RPTOR: variants seen among roughly 807,000 people sequenced by gnomAD.
RPTOR encodes the protein regulatory-associated protein of mTOR.
In RPTOR, 21 loss-of-function variants were observed where a neutral mutation model predicts 169.9. The observed-to-expected ratio is 0.12, with a 90% CI of 0.09 to 0.18. RPTOR has a LOEUF of 0.18. Ranked by LOEUF, RPTOR falls within the 10% of genes least tolerant of loss-of-function variation. The probability of loss-of-function intolerance (pLI) is 1.00; values close to 1 mark genes in which losing one functional copy is unlikely to be tolerated. For missense variants in RPTOR, 1,133 were observed against 1,855.9 expected (o/e 0.61, Z 7.16); for synonymous variants, 732 against 753.2 (o/e 0.97, Z 0.46).
At chr17:80,618,041 T>C (rs986498361) in intron 1 of RPTOR, among the ~76,000 whole-genome samples, 3 of 151,642 alleles carry the variant, frequency 2.0e-5, no homozygotes, top group Non-Finnish European at 2.9e-5. Flanking sequence ...AGTGCAGTGG[T>C]GTGATCTCGG....
intron 32 of RPTOR, 86 bp from the exon 33 acceptor site, chr17:80,962,842 C>G: frequency 6.3e-7 from 1 of 1,581,092 alleles, no homozygotes; most frequent in Non-Finnish European, 8.6e-7. Context: ...GTCTAGCCGG[C>G]CTGTCCCCGC....
chr17:80,897,282 G>T (rs1319734514), intron 20 of RPTOR, among the ~76,000 whole-genome samples: 2 of 151,742 alleles, frequency 1.3e-5, no homozygotes, highest in Admixed American at 1.3e-4. Context: ...GGACATCTGT[G>T]TTTCTCTCTT....
chr17:80,827,624 C>T (rs1255056622), intron 9 of RPTOR, among the ~76,000 whole-genome samples: 1 of 152,196 alleles, frequency 6.6e-6, no homozygotes, highest in Non-Finnish European at 1.5e-5. Flanking sequence ...GACAGGGGTC[C>T]TGGGGCCACG....
rs1031339835 is a variant in RPTOR at position 80,545,824 on chromosome 17, G to C, written c.162+33G>C. ...GATTCTGAAGGCACCCCTTGAACTT[G>C]GTAGTTTCCCCAACAAAGAAAGTTT... On this transcript the variant is annotated intron_variant, in intron 1 of 33. Transcript: ENST00000306801. 4.6e-6 allele frequency: 7 copies of C among 1,523,630 alleles called. No individual in the cohort carries two copies. The African/African-American group carries it at 7.1e-5, about 15-fold the overall frequency. 94.4% of individuals were successfully genotyped at this position (1,523,630 alleles called of 1,614,324 possible). A position where few individuals can be genotyped will look rare whatever the true frequency, so the allele number is the denominator to read the frequency against.
At position 80,707,401 on chromosome 17, in the gene RPTOR, T is replaced by G. The variant is rs1478992094; in HGVS notation, c.349-440T>G. Reference sequence around the variant, plus strand: ...ATCATGTGTGGCAGTTCTTATGTAGTGTTTTGATTTGTTTTTTTGAGACCA... The same window carrying G: ...ATCATGTGTGGCAGTTCTTATGTAGGGTTTTGATTTGTTTTTTTGAGACCA... On this transcript the variant is annotated intron_variant, in intron 3 of 33. Coordinates refer to ENST00000306801, the MANE Select transcript of RPTOR (RefSeq NM_020761.3). This position sits in a 1 kb window ranked among gnomAD's most constrained non-coding sequence, Gnocchi z 5.0. Among the ~76,000 whole-genome samples, 2 of 152,176 alleles carry G rather than the reference T, an allele frequency of 1.3e-5. No individual in the cohort carries two copies. Among genetic ancestry groups the G allele is most frequent in the Non-Finnish European group, 2.9e-5 (2 of 68,032 alleles).
intron 3 of RPTOR, among the ~76,000 whole-genome samples, chr17:80,671,378 A>G (rs1209533112): frequency 6.6e-6 from 1 of 152,026 alleles, no homozygotes; most frequent in East Asian, 1.9e-4. Flanking sequence ...CTCTGTAATT[A>G]TTGGGTTCTT....
At chr17:80,715,944 T>C (rs34041461) in intron 4 of RPTOR, among the ~76,000 whole-genome samples, 23,806 of 152,230 alleles carry the variant, frequency 0.16, 2,727 homozygotes, top group African/African-American at 0.32. Context: ...ATATATACCA[T>C]ATTTTCTTTA....
In RPTOR at chr17:80,820,542, G is replaced by A. The variant is rs899839507; in HGVS notation, c.891-1659G>A. Among the ~76,000 whole-genome samples the A allele has an allele frequency of 2.0e-5, 3 of 152,228 alleles. No individual in the cohort carries two copies. Among genetic ancestry groups the A allele is most frequent in the South Asian group, 2.1e-4 (1 of 4,824 alleles). On this transcript the variant is annotated intron_variant, in intron 7 of 33. Transcript: ENST00000306801. The surrounding 1 kb of genome is among the most constrained non-coding windows in gnomAD (Gnocchi z 4.1). The stretch of plus-strand genomic sequence containing the variant: ...TAAGGAAATGTCTTCTCTTTGGGAG[G>A]TGTGCCCCACCCTCACATTCCTCCG...
intron 21 of RPTOR, among the ~76,000 whole-genome samples, chr17:80,917,871 C>T (rs1303919024): frequency 6.6e-6 from 1 of 152,164 alleles, no homozygotes; most frequent in Non-Finnish European, 1.5e-5. Flanking sequence ...CATCCCACCC[C>T]TGCCTGGTTT....
rs2069120555 is a variant in RPTOR, at chr17:80,947,746, A to T, written c.3265+395A>T. Among the ~76,000 whole-genome samples the T allele has an allele frequency of 6.6e-6, 1 of 152,120 alleles. No homozygotes were observed. Among genetic ancestry groups the T allele is most frequent in the African/African-American group, 2.4e-5 (1 of 41,426 alleles). The stretch of plus-strand genomic sequence containing the variant: ...TCCTCCCCGGCCAGGGTCTCCTGGC[A>T]TCGCTGGCTCATTTGCCAGTTGCTG... On this transcript the variant is annotated intron_variant, in intron 27 of 33. Coordinates refer to ENST00000306801, the MANE Select transcript of RPTOR (RefSeq NM_020761.3). This position sits in a 1 kb window ranked among gnomAD's most constrained non-coding sequence, Gnocchi z 4.4.
At chr17:80,608,718 C>A (rs140449893) in intron 1 of RPTOR, among the ~76,000 whole-genome samples, 18 of 152,326 alleles carry the variant, frequency 1.2e-4, no homozygotes, top group Admixed American at 5.2e-4. Flanking sequence ...CACTTTCCCC[C>A]CTTCTTGGTG....
rs749772749 is a variant in RPTOR at position 80,823,211 on chromosome 17, T to C, written c.1124T>C (p.Met375Thr). The change falls in exon 9 of 34, where the codon ATG becomes ACG. Residue 375 changes from methionine to threonine, a missense_variant. Coordinates refer to ENST00000306801, the MANE Select transcript of RPTOR (RefSeq NM_020761.3). This position sits in a 1 kb window ranked among gnomAD's most constrained non-coding sequence, Gnocchi z 4.5. ...VSSPRLPPTY[M>T]HAMWQAWDLA... Reference sequence around the variant, plus strand: ...AGCCCGCGTCTGCCGCCCACGTACATGCACGCCATGTGGTGAGTGTTTCAG... The same window carrying C: ...AGCCCGCGTCTGCCGCCCACGTACACGCACGCCATGTGGTGAGTGTTTCAG... The C allele has an allele frequency of 1.2e-6, 2 of 1,614,078 alleles. No individual in the cohort carries two copies. The highest frequency in any genetic ancestry group is 3.3e-5 in the Admixed American group (2 of 60,006).
Position 80,951,115 on chromosome 17 carries a change from C to CA in RPTOR, c.3370+1568_3370+1569insA, listed in dbSNP as rs1568006749. 4.6e-4 allele frequency among the ~76,000 whole-genome samples: 70 copies of CA among 151,200 alleles called. 7 individuals carry two copies. Among genetic ancestry groups the CA allele is most frequent in the African/African-American group, 1.5e-3 (62 of 40,906 alleles). On this transcript the variant is annotated intron_variant, in intron 28 of 33. Coordinates refer to ENST00000306801, the MANE Select transcript of RPTOR (RefSeq NM_020761.3). ...TGGCCCCGGGGTCCCTGAGACCCCC[C>CA]GGAAGCATCCACACGTCCACACCCG...
At chr17:80,674,956 C>T (rs2065851898) in intron 3 of RPTOR, among the ~76,000 whole-genome samples, 2 of 152,166 alleles carry the variant, frequency 1.3e-5, no homozygotes, top group South Asian at 4.1e-4. Flanking sequence ...GTAGAATACT[C>T]AGGTGACCAG....
In RPTOR at chr17:80,907,452, A is replaced by G. The variant is rs1456096396; in HGVS notation, c.2402-1359A>G. Among the ~76,000 whole-genome samples the G allele has an allele frequency of 2.0e-5, 3 of 152,368 alleles. No homozygotes were observed. In the East Asian group the frequency reaches 5.8e-4, roughly 29 times the overall value. ...TGGCCCCGCTCTGCCCTCCACGCTC[A>G]GCGCCTCTGGTCCTCGGCCCAGCCC... On this transcript the variant is annotated intron_variant, in intron 20 of 33. Coordinates refer to ENST00000306801, the MANE Select transcript of RPTOR (RefSeq NM_020761.3).
rs954615198 is a variant in RPTOR, at chr17:80,923,821, C to G, written c.2808+148C>G. 4.8e-6 allele frequency: 4 copies of G among 837,382 alleles called. No individual in the cohort carries two copies. The African/African-American group carries it at 5.2e-5, about 11-fold the overall frequency. The allele number at this position is 837,382 out of a possible 1,614,324, so 51.9% of individuals were successfully genotyped here. A position where few individuals can be genotyped will look rare whatever the true frequency, so the allele number is the denominator to read the frequency against. On this transcript the variant is annotated intron_variant, in intron 23 of 33. Coordinates refer to ENST00000306801, the MANE Select transcript of RPTOR (RefSeq NM_020761.3). ...TCCTGGGTCTGTGGGCCACTCTCTG[C>G]CTTTGCAGACCCGGGTGCTGGTCCT...
chr17:80,865,850 A>C (rs1044915496), intron 13 of RPTOR, among the ~76,000 whole-genome samples: 31 of 152,086 alleles, frequency 2.0e-4, no homozygotes, highest in African/African-American at 7.5e-4. Flanking sequence ...CATGCAGTGC[A>C]CAGAGGCTGT....
At chr17:80,830,903 C>T (rs777119097) in intron 9 of RPTOR, among the ~76,000 whole-genome samples, 1 of 152,002 alleles carries the variant, frequency 6.6e-6, no homozygotes, top group Non-Finnish European at 1.5e-5. Flanking sequence ...GGCACACGCC[C>T]AGCTAATTGT....
intron 17 of RPTOR, among the ~76,000 whole-genome samples, chr17:80,886,171 C>T (rs898606466): frequency 3.3e-5 from 5 of 152,242 alleles, no homozygotes; most frequent in African/African-American, 1.2e-4. Context: ...GGCCGTGGTC[C>T]AGGGGCCTGG....
Sources: allele counts gnomAD v4.1 joint callset (sites outside exome capture counted in the v4.1 genomes callset), GRCh38; gene constraint gnomAD v4.1.1; non-coding constraint Gnocchi (gnomAD v3.1); transcripts MANE v1.5; gene names NCBI Gene and HGNC (gene_info 2026-07-23, HGNC 2026-07-21).